TNRC6C: variants seen among roughly 807,000 people sequenced by gnomAD.
TNRC6C encodes the protein trinucleotide repeat-containing gene 6C protein.
Under a neutral mutation model 153.7 loss-of-function variants are expected in TNRC6C, and 20 were observed. That is an observed-to-expected ratio of 0.13 (90% CI 0.09 to 0.19). TNRC6C has a LOEUF of 0.19. TNRC6C is among the 10% of genes least tolerant of loss of function. The pLI is 1.00. For synonymous variants in TNRC6C, 811 were observed against 841.4 expected (o/e 0.96, Z 0.63); for missense variants, 1,987 against 2,172.0 (o/e 0.91, Z 1.69).
chr17:78,042,507 A>G (rs1598724897), intron 2 of TNRC6C, among the ~76,000 whole-genome samples: 1 of 152,132 alleles, frequency 6.6e-6, no homozygotes, highest in East Asian at 1.9e-4. Context: ...GTCTTGGTTC[A>G]TTTCAGAGTT....
At chr17:78,023,847 T>A (rs2071882825) in intron 1 of TNRC6C, among the ~76,000 whole-genome samples, 3 of 152,164 alleles carry the variant, frequency 2.0e-5, no homozygotes, top group African/African-American at 7.2e-5. Context: ...CTGTGGCTCA[T>A]GCCTGTAATC....
At chr17:77,968,687 C>T (rs536282765) in intron 1 of TNRC6C, among the ~76,000 whole-genome samples, 9 of 152,260 alleles carry the variant, frequency 5.9e-5, no homozygotes, top group Admixed American at 2.6e-4. Flanking sequence ...CCTATTTAGC[C>T]TTGGATGGCA....
intron 1 of TNRC6C, among the ~76,000 whole-genome samples, chr17:78,026,090 A>AT (rs931842032): frequency 1.3e-5 from 2 of 152,148 alleles, no homozygotes; most frequent in African/African-American, 2.4e-5. Context: ...TAGCCTTAGT[A>AT]TTTTTTTATT....
At chr17:78,090,081 G>C (rs1361585371) in intron 13 of TNRC6C, among the ~76,000 whole-genome samples, 1 of 152,234 alleles carries the variant, frequency 6.6e-6, no homozygotes, top group Admixed American at 6.5e-5. Context: ...CAAGTAGGCA[G>C]CCCTGTGGCA....
At chr17:78,048,102 G>A (rs2072445792) in intron 2 of TNRC6C, among the ~76,000 whole-genome samples, 1 of 151,998 alleles carries the variant, frequency 6.6e-6, no homozygotes, top group East Asian at 1.9e-4. Context: ...TTGTGGGGCT[G>A]AGATTCTTCT....
intron 2 of TNRC6C, among the ~76,000 whole-genome samples, chr17:78,045,199 A>G (rs925304505): frequency 6.6e-6 from 1 of 152,206 alleles, no homozygotes; most frequent in Admixed American, 6.5e-5. Flanking sequence ...TATTTACAGT[A>G]ATCCAGTCAA....
Position 78,104,952 on chromosome 17 carries a change from C to G in TNRC6C, c.*107C>G, listed in dbSNP as rs1413298519. On this transcript the variant is annotated 3_prime_UTR_variant, in exon 20 of 20. Coordinates refer to ENST00000301624, the Ensembl canonical transcript of TNRC6C. This position sits in a 1 kb window ranked among gnomAD's most constrained non-coding sequence, Gnocchi z 6.2. ...CCAGCAGCGGCCGCCCTTTTGAGTA[C>G]CTCTGTCCAGGACTGAAGACGAACC... is the stretch of plus-strand genomic sequence containing the variant. 6 of 1,351,474 alleles carry G rather than the reference C, an allele frequency of 4.4e-6. 1 individual carries two copies. In the South Asian group the frequency reaches 8.8e-5, roughly 20 times the overall value. 83.7% of individuals were successfully genotyped at this position (1,351,474 alleles called of 1,614,324 possible).
At chr17:78,016,632 T>G (rs76175713) in intron 1 of TNRC6C, among the ~76,000 whole-genome samples, 6,744 of 152,202 alleles carry the variant, frequency 0.044, 482 homozygotes, top group African/African-American at 0.15. Context: ...AGTACAGCTG[T>G]CATTACCTCT....
At chr17:78,044,156 C>T (rs1218056423) in intron 2 of TNRC6C, among the ~76,000 whole-genome samples, 9 of 152,138 alleles carry the variant, frequency 5.9e-5, no homozygotes, top group African/African-American at 2.2e-4. Flanking sequence ...TTTTTTCTAA[C>T]TAAAAAAGAT....
chr17:78,093,606 G>C lies in TNRC6C; in HGVS notation c.4163-14G>C. The stretch of plus-strand genomic sequence containing the variant: ...GTTCTGATCTGTGGCTTCTCATTTT[G>C]GTTTCTTAAACAGAATTCCATCCGG... On this transcript the variant is annotated splice_polypyrimidine_tract_variant and intron_variant, in intron 15 of 19. Coordinates refer to ENST00000301624, the Ensembl canonical transcript of TNRC6C. 6.2e-7 allele frequency: 1 copy of C among 1,613,526 alleles called. No individual in the cohort carries two copies. The highest frequency in any genetic ancestry group is 8.5e-7 in the Non-Finnish European group (1 of 1,179,654).
At position 78,075,308 on chromosome 17, in the gene TNRC6C, CTTT is replaced by C. The variant is rs1283978564; in HGVS notation, c.3060+34_3060+36del. ...GAATATAGGTGGTTTGTTGTTTTTG[CTTT>C]TTTAACAAGAGGAGTTTTTCATTTC... On this transcript the variant is annotated intron_variant, in intron 8 of 19. Transcript: ENST00000301624. The surrounding 1 kb of genome is among the most constrained non-coding windows in gnomAD (Gnocchi z 4.2). 2 of 1,549,356 alleles carry C rather than the reference CTTT, an allele frequency of 1.3e-6. No individual in the cohort carries two copies. The highest frequency in any genetic ancestry group is 2.7e-5 in the African/African-American group (2 of 73,246).
At chr17:78,106,003 A>AT (rs1471967399) in exon 20 of TNRC6C, 1 of 152,012 alleles carries the variant, frequency 6.6e-6, no homozygotes, top group African/African-American at 2.4e-5. Context: ...ATGCAAGAAA[A>AT]TTATTACCAG....
intron 1 of TNRC6C, among the ~76,000 whole-genome samples, chr17:77,973,208 T>C (rs1470223900): frequency 6.6e-6 from 1 of 152,006 alleles, no homozygotes; most frequent in Non-Finnish European, 1.5e-5. Context: ...GCCTGGGCAA[T>C]ACACCATATT....
chr17:78,051,047 G>A (rs1326497006), exon 3 of TNRC6C: 3 of 1,611,918 alleles, frequency 1.9e-6, no homozygotes, highest in Non-Finnish European at 1.7e-6. Context: ...TTAAAACCTG[G>A]CCCCCAACAG....
chr17:78,004,951 AT>A, upstream of TNRC6C: 1 of 906,438 alleles, frequency 1.1e-6, no homozygotes, highest in South Asian at 5.8e-5. Context: ...CATTTTTAAA[AT>A]TTTCAATACT....
intron 1 of TNRC6C, among the ~76,000 whole-genome samples, chr17:77,961,576 G>A (rs1241593622): frequency 1.3e-5 from 2 of 152,212 alleles, no homozygotes; most frequent in African/African-American, 4.8e-5. Context: ...GTAACCTGGA[G>A]TATATGTAAG....
intron 18 of TNRC6C, 143 bp from the exon 22 acceptor site, chr17:78,103,271 G>T (rs914475127): frequency 9.9e-7 from 1 of 1,007,398 alleles, no homozygotes; most frequent in Non-Finnish European, 1.4e-6. Flanking sequence ...CGTTAATGTT[G>T]TAAAACCACA....
chr17:78,097,701 G>A (rs758110617), intron 16 of TNRC6C, 44 bp from the exon 19 acceptor site: 30 of 1,417,364 alleles, frequency 2.1e-5, no homozygotes, highest in South Asian at 9.4e-5. Context: ...TCATGAACCC[G>A]GACACCGCCA....
chr17:77,970,487 C>G (rs957265467), intron 1 of TNRC6C, among the ~76,000 whole-genome samples: 1 of 152,168 alleles, frequency 6.6e-6, no homozygotes, highest in Non-Finnish European at 1.5e-5. Context: ...CCTCACCTGG[C>G]TGCTGCTTTA....
Sources: allele counts gnomAD v4.1 joint callset (sites outside exome capture counted in the v4.1 genomes callset), GRCh38; gene constraint gnomAD v4.1.1; non-coding constraint Gnocchi (gnomAD v3.1); transcripts MANE v1.5; gene names NCBI Gene and HGNC (gene_info 2026-07-23, HGNC 2026-07-21).